Variants in DHX32 observed in about 807,000 individuals in gnomAD.
DHX32 encodes DEAH-box helicase 32 (putative), also known as putative pre-mRNA-splicing factor ATP-dependent RNA helicase DHX32.
A neutral mutation model predicts 70.0 loss-of-function variants in DHX32; 51 were observed. That is an observed-to-expected ratio of 0.73 (90% CI 0.58 to 0.92). DHX32 has a LOEUF of 0.92. Ranked by LOEUF, DHX32 falls within the 40% of genes least tolerant of loss-of-function variation. The pLI, the probability that DHX32 is intolerant of heterozygous loss-of-function variation, is 0.00. For missense variants in DHX32, 762 were observed against 891.8 expected (o/e 0.85, Z 1.85); for synonymous variants, 310 against 315.3 (o/e 0.98, Z 0.18).
At position 125,867,653 on chromosome 10, in the gene DHX32, G is replaced by A. The variant is rs140550297; in HGVS notation, c.283-470C>T. Reference sequence around the variant, plus strand: ...TGGGAGGCTGAGGCAGGAGAATGGCGTGAACCCGGGAGGCGGAGCTTGCAG... The same window carrying A: ...TGGGAGGCTGAGGCAGGAGAATGGCATGAACCCGGGAGGCGGAGCTTGCAG... On this transcript the variant is annotated intron_variant, in intron 1 of 10. Coordinates refer to ENST00000284690, the MANE Select transcript of DHX32 (RefSeq NM_018180.3). 1.9e-3 allele frequency among the ~76,000 whole-genome samples: 287 copies of A among 151,260 alleles called. 1 individual carries two copies. The highest frequency in any genetic ancestry group is 6.7e-3 in the African/African-American group (277 of 41,120).
chr10:125,887,428 A>C (rs146362749), intron 1 of DHX32, among the ~76,000 whole-genome samples: 1 of 152,198 alleles, frequency 6.6e-6, no homozygotes, highest in Non-Finnish European at 1.5e-5. Flanking sequence ...ACTTTGGTAC[A>C]AGATGAGTTC....
intron 1 of DHX32, among the ~76,000 whole-genome samples, chr10:125,870,201 C>T (rs1944247706): frequency 6.6e-6 from 1 of 152,142 alleles, no homozygotes; most frequent in Non-Finnish European, 1.5e-5. Context: ...ATCAGAAGAA[C>T]ATCCAGGCAT....
At chr10:125,878,623 T>A (rs557103635) in intron 1 of DHX32, among the ~76,000 whole-genome samples, 1 of 152,318 alleles carries the variant, frequency 6.6e-6, no homozygotes, top group East Asian at 1.9e-4. Context: ...GAGCCTCAGA[T>A]AAGAGTTATG....
intron 6 of DHX32, 133 bp downstream of exon 6, chr10:125,852,160 T>C (rs1944098791): frequency 8.1e-6 from 9 of 1,107,446 alleles, no homozygotes; most frequent in Admixed American, 5.7e-5. Flanking sequence ...AGCAGGAAAA[T>C]GCTTCAGTCC....
chr10:125,861,887 T>G (rs1168804617), intron 2 of DHX32, among the ~76,000 whole-genome samples: 2 of 152,120 alleles, frequency 1.3e-5, no homozygotes, highest in East Asian at 3.9e-4. Flanking sequence ...GGGGGTAGTC[T>G]TGGGGATCTT....
At chr10:125,883,237 C>T (rs971530686), upstream of DHX32, among the ~76,000 whole-genome samples, 2 of 152,196 alleles carry the variant, frequency 1.3e-5, no homozygotes, top group Non-Finnish European at 2.9e-5. Flanking sequence ...ACACATTAGC[C>T]TTAACCACTT....
chr10:125,877,879 T>C (rs1346355971), intron 1 of DHX32, among the ~76,000 whole-genome samples: 1 of 152,224 alleles, frequency 6.6e-6, no homozygotes, highest in Non-Finnish European at 1.5e-5. Context: ...CAGTTTCTAA[T>C]TCTATTCTAT....
rs1175036497 is a variant in DHX32 at position 125,866,652 on chromosome 10, T to C, written c.476+338A>G. ...GGTGTGGAAAGCACAGGGCACACAG[T>C]GTGCTCCAGGTGTCCATGTGGCTTG... On this transcript the variant is annotated intron_variant, in intron 2 of 10. Coordinates refer to ENST00000284690, the MANE Select transcript of DHX32 (RefSeq NM_018180.3). This position sits in a 1 kb window ranked among gnomAD's most constrained non-coding sequence, Gnocchi z 4.8. 6.6e-6 allele frequency among the ~76,000 whole-genome samples: 1 copy of C among 152,210 alleles called. No homozygotes were observed. The highest frequency in any genetic ancestry group is 2.4e-5 in the African/African-American group (1 of 41,444).
At chr10:125,890,307 C>G (rs1180172174) in intron 1 of DHX32, among the ~76,000 whole-genome samples, 2 of 152,270 alleles carry the variant, frequency 1.3e-5, no homozygotes, top group African/African-American at 2.4e-5. Flanking sequence ...AACAATGGAC[C>G]TAATCATTAC....
At position 125,866,995 on chromosome 10, in the gene DHX32, G is replaced by T; in HGVS notation, c.471C>A (p.Ile157=). The T allele has an allele frequency of 1.2e-6, 2 of 1,612,898 alleles. No individual in the cohort carries two copies. The highest frequency in any genetic ancestry group is 1.7e-6 in the Non-Finnish European group (2 of 1,179,218). Residue 157 remains isoleucine, a synonymous_variant, in exon 2 of 11, where the codon ATC becomes ATA. Coordinates refer to ENST00000284690, the MANE Select transcript of DHX32 (RefSeq NM_018180.3). This position sits in a 1 kb window ranked among gnomAD's most constrained non-coding sequence, Gnocchi z 4.8. ...ACTGAACCCCACAAACCAACCTCAG[G>T]ATTGTTTCGTTGGTACAGCAGTTCT... The part of the protein sequence containing the change: ...PFENCCTNET[I]LRYCTDDMLQ...
chr10:125,874,135 A>G (rs1192993674), intron 1 of DHX32, among the ~76,000 whole-genome samples: 1 of 152,230 alleles, frequency 6.6e-6, no homozygotes, highest in Admixed American at 6.5e-5. Context: ...CTGTTTCTGC[A>G]CCAAAGACAG....
At position 125,874,588 on chromosome 10, in the gene DHX32, A is replaced by T. The variant is rs566673510; in HGVS notation, c.282+5955T>A. On this transcript the variant is annotated intron_variant, in intron 1 of 10. Transcript: ENST00000284690. ...TTAGCAATTCTGAAACTACAATATG[A>T]ATTGTTCTTTTGAGTATCTTTACTT... Among the ~76,000 whole-genome samples, 9 of 152,328 alleles carry T rather than the reference A, an allele frequency of 5.9e-5. No homozygotes were observed. In the East Asian group the frequency reaches 1.5e-3, roughly 26 times the overall value.
intron 1 of DHX32, among the ~76,000 whole-genome samples, chr10:125,870,164 A>C (rs1944247573): frequency 1.3e-5 from 2 of 152,220 alleles, no homozygotes; most frequent in South Asian, 4.1e-4. Context: ...GATGACCTTC[A>C]GGATAGTCAG....
chr10:125,896,318 C>A (rs562972892), exon 1 of DHX32: 81 of 200,032 alleles, frequency 4.0e-4, no homozygotes, highest in Middle Eastern at 1.6e-3. Flanking sequence ...TCGGCGACAG[C>A]GGGGACCGCG....
At position 125,852,575 on chromosome 10, in the gene DHX32, A is replaced by G; in HGVS notation, c.1160T>C (p.Ile387Thr). The G allele has an allele frequency of 6.2e-7, 1 of 1,613,828 alleles. No homozygotes were observed. Among genetic ancestry groups the G allele is most frequent in the Middle Eastern group, 1.6e-4 (1 of 6,062 alleles). ...AGATGAGCCAAGAATCTGCTTGCGT[A>G]TCTCTGCCTGGCTCTGGCTGATGGG... ...MQPISQSQAE[I>T]RKQILGSSSS... The change falls in exon 5 of 11, where the codon ATA becomes ACA. Residue 387 changes from isoleucine to threonine, a missense_variant. By Grantham distance (89) the Ile-to-Thr change is moderately conservative (BLOSUM62 -1). Transcript: ENST00000284690.
chr10:125,839,245 G>A, intron 8 of DHX32, 57 bp from the exon 9 acceptor site: 1 of 1,559,878 alleles, frequency 6.4e-7, no homozygotes, highest in Non-Finnish European at 8.7e-7. Flanking sequence ...GCTCTGAAGA[G>A]CCCAGGCCAG....
intron 1 of DHX32, among the ~76,000 whole-genome samples, chr10:125,879,291 T>C (rs1468350466): frequency 6.6e-6 from 1 of 152,108 alleles, no homozygotes; most frequent in Admixed American, 6.6e-5. Flanking sequence ...CCCAAAGTGA[T>C]GGGATTATAG....
chr10:125,880,788 AG>A lies in DHX32; in HGVS notation c.36del (p.Ser13LeufsTer44). 1 of 1,614,188 alleles carries A rather than the reference AG, an allele frequency of 6.2e-7. No homozygotes were observed. The highest frequency in any genetic ancestry group is 8.5e-7 in the Non-Finnish European group (1 of 1,180,028). On this transcript the variant is annotated frameshift_variant, in exon 1 of 11. Coordinates refer to ENST00000284690, the MANE Select transcript of DHX32 (RefSeq NM_018180.3). LOFTEE classifies it high-confidence loss of function. ...GATTCAGGAAAATAGCGTTTTTCAGAGGAAGAGTTTGGACACTCCAGCCCTT... is the reference window on the plus strand; with the variant it reads ...GATTCAGGAAAATAGCGTTTTTCAGAGAAGAGTTTGGACACTCCAGCCCTT... ...EEEGLECPNS[S>X]SEKRYFPESL...
chr10:125,895,643 T>C (rs1944467542), intron 1 of DHX32, among the ~76,000 whole-genome samples: 1 of 152,302 alleles, frequency 6.6e-6, no homozygotes, highest in Non-Finnish European at 1.5e-5. Context: ...GGGATAATGT[T>C]ACATTGTTTC....
Sources: gnomAD v4.1 joint callset for allele counts (sites outside exome capture counted in the v4.1 genomes callset) on GRCh38, gnomAD v4.1.1 for gene constraint, Gnocchi (gnomAD v3.1) non-coding constraint, MANE v1.5 for transcripts, NCBI Gene and HGNC (gene_info 2026-07-23, HGNC 2026-07-21) for gene names.